The following PDE3B variants were observed in gnomAD, a reference collection of about 807,000 sequenced individuals.
PDE3B encodes cGMP-inhibited 3',5'-cyclic phosphodiesterase 3B.
In PDE3B, 66 loss-of-function variants were observed where a neutral mutation model predicts 116.8. The ratio of observed to expected loss-of-function variants is 0.56; its 90% CI spans 0.46 to 0.69. The LOEUF is 0.69. Among genes scored for constraint, PDE3B ranks in the 30% least tolerant of loss-of-function variants. PDE3B has a pLI of 0.00. For missense variants in PDE3B, 1,384 were observed against 1,368.1 expected, an observed-to-expected ratio of 1.01 and a Z score of -0.18; for synonymous variants, 595 against 533.6, an observed-to-expected ratio of 1.12 and a Z score of -1.59.
chr11:14,684,613 C>T (rs1300018587), intron 1 of PDE3B, among the ~76,000 whole-genome samples: 1 of 152,072 alleles, frequency 6.6e-6, no homozygotes, highest in Non-Finnish European at 1.5e-5. Context: ...GGGGTTTTTC[C>T]CCACCCTAGT....
intron 1 of PDE3B, among the ~76,000 whole-genome samples, chr11:14,654,236 A>G (rs1422166361): frequency 6.6e-6 from 1 of 152,186 alleles, no homozygotes; most frequent in Non-Finnish European, 1.5e-5. Context: ...ATAAATTAAA[A>G]GAAACCCATA....
chr11:14,867,829 T>C (rs1201992761), intron 15 of PDE3B, 71 bp downstream of exon 15: 1 of 1,403,598 alleles, frequency 7.1e-7, no homozygotes, highest in East Asian at 2.5e-5. Flanking sequence ...AAATCTGAAA[T>C]ATGAAATGCT....
At chr11:14,873,559 A>G (rs1043911651), downstream of PDE3B, among the ~76,000 whole-genome samples, 3 of 152,178 alleles carry the variant, frequency 2.0e-5, no homozygotes, top group East Asian at 1.9e-4. Context: ...GAGATAGGGT[A>G]TATCAGAGGA....
Position 14,832,742 on chromosome 11 carries a change from AG to A in PDE3B, c.2116del (p.Asp706ThrfsTer16). ...TTTAGGTTATGTATACCTTATTTCA[AG>A]ACACTGGTTTATTGGAAATATTTAA... ...LSQVMYTLFQDTGLLEIFKIP... is the reference protein window; with the variant it reads ...LSQVMYTLFQXTGLLEIFKIP... On this transcript the variant is annotated frameshift_variant, in exon 10 of 16. Coordinates refer to ENST00000282096, the MANE Select transcript of PDE3B (RefSeq NM_000922.4). LOFTEE classifies it high-confidence loss of function. 7.0e-7 allele frequency: 1 copy of A among 1,426,130 alleles called. No homozygotes were observed. Among genetic ancestry groups the A allele is most frequent in the Non-Finnish European group, 9.8e-7 (1 of 1,023,858 alleles). The allele number at this position is 1,426,130 out of a possible 1,614,324, so 88.3% of individuals were successfully genotyped here. A position where few individuals can be genotyped will look rare whatever the true frequency, so the allele number is the denominator to read the frequency against.
chr11:14,806,858 C>CAAAAAAAAAAAAA (rs953411145), intron 5 of PDE3B, among the ~76,000 whole-genome samples: 3 of 45,930 alleles, frequency 6.5e-5, no homozygotes, highest in African/African-American at 2.1e-4. Context: ...GACTCCGTCT[C>CAAAAAAAAAAAAA]AAAAAAAAAA....
At chr11:14,798,637 G>A (rs565566912) in intron 4 of PDE3B, among the ~76,000 whole-genome samples, 1 of 152,044 alleles carries the variant, frequency 6.6e-6, no homozygotes, top group Non-Finnish European at 1.5e-5. Context: ...TCAGGGATTC[G>A]ACTTCTTCCT....
chr11:14,897,922 G>T, the PDE3B span, among the ~76,000 whole-genome samples: 12 of 152,098 alleles, frequency 7.9e-5, no homozygotes, highest in African/African-American at 2.9e-4. Flanking sequence ...ACCTTGCAGG[G>T]CTTTCTCTTT....
chr11:14,661,831 G>A (rs1396944879), intron 1 of PDE3B, among the ~76,000 whole-genome samples: 7 of 152,180 alleles, frequency 4.6e-5, no homozygotes, highest in Non-Finnish European at 8.8e-5. Context: ...AACCCACCAC[G>A]GTTCAAGGAG....
At chr11:14,880,387 G>T in the PDE3B span, 1 of 1,613,430 alleles carries the variant, frequency 6.2e-7, no homozygotes, top group Non-Finnish European at 8.5e-7. Context: ...GACTACAGCT[G>T]CATTTCTAAA....
chr11:14,806,294 AAAAAT>A (rs1365170371), intron 5 of PDE3B, among the ~76,000 whole-genome samples: 4 of 150,872 alleles, frequency 2.7e-5, no homozygotes, highest in South Asian at 2.1e-4. Context: ...CAAAAAAAAA[AAAAAT>A]CAGCTGGGCG....
chr11:14,841,363 A>T (rs1329721603), intron 11 of PDE3B, among the ~76,000 whole-genome samples: 1 of 147,282 alleles, frequency 6.8e-6, no homozygotes, highest in East Asian at 2.0e-4. Context: ...ATATATATAA[A>T]ATATATATAT....
chr11:14,893,192 A>C, the PDE3B span, among the ~76,000 whole-genome samples: 1 of 152,272 alleles, frequency 6.6e-6, no homozygotes, highest in African/African-American at 2.4e-5. Context: ...GAATAAGAGC[A>C]ACAAAGTCCT....
chr11:14,667,618 G>A (rs1235292161), intron 1 of PDE3B, among the ~76,000 whole-genome samples: 1 of 147,110 alleles, frequency 6.8e-6, no homozygotes, highest in Non-Finnish European at 1.5e-5. Context: ...TGTTCTCACT[G>A]ATAGGTGGGA....
intron 7 of PDE3B, among the ~76,000 whole-genome samples, chr11:14,822,148 C>T (rs1859535001): frequency 6.6e-6 from 1 of 152,098 alleles, no homozygotes; most frequent in African/African-American, 2.4e-5. Flanking sequence ...AGTGATCCTC[C>T]CGCCTTGGCC....
intron 2 of PDE3B, among the ~76,000 whole-genome samples, chr11:14,781,957 A>G (rs1331941518): frequency 6.6e-6 from 1 of 152,254 alleles, no homozygotes; most frequent in African/African-American, 2.4e-5. Flanking sequence ...AAGCAACTTC[A>G]GCAAAGTCTC....
At chr11:14,813,274 A>T (rs931066708) in intron 5 of PDE3B, among the ~76,000 whole-genome samples, 10 of 152,180 alleles carry the variant, frequency 6.6e-5, no homozygotes, top group African/African-American at 2.4e-4. Flanking sequence ...TTGGGCCCAA[A>T]GCAAGGTGTC....
chr11:14,729,127 C>T (rs1856392531), intron 1 of PDE3B, among the ~76,000 whole-genome samples: 1 of 152,136 alleles, frequency 6.6e-6, no homozygotes, highest in Non-Finnish European at 1.5e-5. Context: ...TCAAATGTTT[C>T]CTGGAGATAA....
intron 1 of PDE3B, among the ~76,000 whole-genome samples, chr11:14,716,538 G>A (rs1249601384): frequency 1.4e-5 from 2 of 145,704 alleles, no homozygotes; most frequent in African/African-American, 5.1e-5. Flanking sequence ...GCTTTGAAGA[G>A]AGCAGTGGTT....
At chr11:14,879,309 T>A in the PDE3B span, 1 of 1,613,140 alleles carries the variant, frequency 6.2e-7, no homozygotes. Flanking sequence ...GCATGGAAAA[T>A]CCCTAATGGA....
Sources: gnomAD v4.1 joint callset for allele counts (sites outside exome capture counted in the v4.1 genomes callset) on GRCh38, gnomAD v4.1.1 for gene constraint, MANE v1.5 for transcripts, NCBI Gene and HGNC (gene_info 2026-07-23, HGNC 2026-07-21) for gene names.